Variants in PPARGC1B observed in about 807,000 individuals in gnomAD.
PPARGC1B encodes the protein PPARG coactivator 1 beta.
In PPARGC1B, 34 loss-of-function variants were observed where a neutral mutation model predicts 101.6. The ratio of observed to expected loss-of-function variants is 0.33; its 90% confidence interval spans 0.25 to 0.45. The LOEUF (loss-of-function observed/expected upper bound fraction) is 0.45. Among genes scored for constraint, PPARGC1B ranks in the 20% least tolerant of loss-of-function variants. The pLI is 1.00. For synonymous variants in PPARGC1B, 548 were observed against 539.3 expected (o/e 1.02, Z -0.22); for missense variants, 1,234 against 1,317.6 (o/e 0.94, Z 0.98).
In PPARGC1B at chr5:149,770,406, G is replaced by A. The variant is rs139871378; in HGVS notation, c.78+39986G>A. 5.3e-5 allele frequency among the ~76,000 whole-genome samples: 8 copies of A among 152,240 alleles called. No homozygotes were observed. The East Asian group carries it at 1.4e-3, about 26-fold the overall frequency. On this transcript the variant is annotated intron_variant, in intron 1 of 11. Transcript: ENST00000309241. Reference sequence around the variant, plus strand: ...GTATAAAGACGTACAGGACATCATCGCTTCCTCCAAAAAGTTGAAGATCCA... The same window carrying A: ...GTATAAAGACGTACAGGACATCATCACTTCCTCCAAAAAGTTGAAGATCCA...
chr5:149,788,781 A>G (rs1205026028), intron 1 of PPARGC1B, among the ~76,000 whole-genome samples: 1 of 152,240 alleles, frequency 6.6e-6, no homozygotes, highest in Non-Finnish European at 1.5e-5. Context: ...TTGTAGGGAC[A>G]TGGATGAAGC....
At chr5:149,838,417 G>A (rs1382935556) in intron 8 of PPARGC1B, among the ~76,000 whole-genome samples, 1 of 151,320 alleles carries the variant, frequency 6.6e-6, no homozygotes, top group Admixed American at 6.7e-5. Context: ...CGACTTCGCT[G>A]AGCCTCTCTT....
intron 2 of PPARGC1B, among the ~76,000 whole-genome samples, chr5:149,823,824 G>A (rs1655745397): frequency 1.3e-5 from 2 of 152,152 alleles, no homozygotes; most frequent in Admixed American, 1.3e-4. Context: ...CCAAATTGAT[G>A]GGTGCTTCTT....
intron 1 of PPARGC1B, among the ~76,000 whole-genome samples, chr5:149,731,582 G>A (rs1470281444): frequency 7.0e-6 from 1 of 142,842 alleles, no homozygotes; most frequent in African/African-American, 2.5e-5. Flanking sequence ...GTGCCGGCCC[G>A]TTTTGCATAA....
chr5:149,755,735 C>G (rs1016710996), intron 1 of PPARGC1B, among the ~76,000 whole-genome samples: 2 of 151,672 alleles, frequency 1.3e-5, no homozygotes, highest in African/African-American at 4.9e-5. Context: ...CCTCTGCCTC[C>G]AGGGTTCAAG....
At chr5:149,755,046 C>CATATATATATATATATATATATATAT (rs1385735590) in intron 1 of PPARGC1B, among the ~76,000 whole-genome samples, 1 of 105,600 alleles carries the variant, frequency 9.5e-6, no homozygotes, top group African/African-American at 4.0e-5. Flanking sequence ...TATACATATA[C>CATATATATATATATATATATATATAT]ATATACATAT....
chr5:149,794,722 C>T (rs890011902), intron 1 of PPARGC1B, among the ~76,000 whole-genome samples: 4 of 152,244 alleles, frequency 2.6e-5, no homozygotes, highest in African/African-American at 9.6e-5. Context: ...CCAGGCCCAT[C>T]CCCTGGCAAC....
intron 9 of PPARGC1B, among the ~76,000 whole-genome samples, chr5:149,841,173 A>T (rs1226448922): frequency 6.6e-6 from 1 of 152,218 alleles, no homozygotes; most frequent in African/African-American, 2.4e-5. Flanking sequence ...TCTAAAGTAA[A>T]CAGGACTGTT....
At chr5:149,823,532 G>A (rs1396981983) in intron 2 of PPARGC1B, among the ~76,000 whole-genome samples, 1 of 152,098 alleles carries the variant, frequency 6.6e-6, no homozygotes, top group Admixed American at 6.5e-5. Flanking sequence ...AGGAAGACTG[G>A]GGGTGGGGCT....
At chr5:149,796,839 T>G (rs530836373) in intron 1 of PPARGC1B, among the ~76,000 whole-genome samples, 56 of 152,286 alleles carry the variant, frequency 3.7e-4, no homozygotes, top group African/African-American at 1.3e-3. Context: ...GAATTCCATT[T>G]GGATCTAAGG....
intron 1 of PPARGC1B, among the ~76,000 whole-genome samples, chr5:149,802,951 G>A (rs1398369266): frequency 2.0e-5 from 3 of 152,144 alleles, no homozygotes; most frequent in Non-Finnish European, 4.4e-5. Context: ...GCTCCCACTT[G>A]CCACTTAAGG....
chr5:149,822,454 C>T (rs1758339526), intron 2 of PPARGC1B, among the ~76,000 whole-genome samples: 1 of 152,192 alleles, frequency 6.6e-6, no homozygotes, highest in African/African-American at 2.4e-5. Context: ...ATCCATTGCT[C>T]ACCGATGCAC....
chr5:149,845,527 GTC>G, intron 10 of PPARGC1B: 1 of 541,222 alleles, frequency 1.8e-6, no homozygotes, highest in Non-Finnish European at 3.3e-6. Flanking sequence ...TCTGAGGAGT[GTC>G]TGAGGCAAGA....
chr5:149,770,556 A>C (rs973731063), intron 1 of PPARGC1B, among the ~76,000 whole-genome samples: 3 of 152,162 alleles, frequency 2.0e-5, no homozygotes, highest in Admixed American at 6.5e-5. Context: ...GTTAAGTGCA[A>C]ATAGTAGGAC....
intron 1 of PPARGC1B, among the ~76,000 whole-genome samples, chr5:149,754,236 G>A (rs770381905): frequency 1.3e-5 from 2 of 152,126 alleles, no homozygotes; most frequent in Non-Finnish European, 1.5e-5. Flanking sequence ...ATCAGTTGTC[G>A]ATTTTCTTCT....
At position 149,832,621 on chromosome 5, in the gene PPARGC1B, C is replaced by A; in HGVS notation, c.583-35C>A. Reference sequence around the variant, plus strand: ...GAGACACATGGGAGGAGTGTTTGGGCCTCCTTCCTCACTCTGGCCTCTCTC... The same window carrying A: ...GAGACACATGGGAGGAGTGTTTGGGACTCCTTCCTCACTCTGGCCTCTCTC... On this transcript the variant is annotated intron_variant, in intron 4 of 11. Transcript: ENST00000309241. The surrounding 1 kb of genome is among the most constrained non-coding windows in gnomAD (Gnocchi z 4.9). The A allele has an allele frequency of 1.3e-6, 2 of 1,483,958 alleles. No homozygotes were observed. The highest frequency in any genetic ancestry group is 1.4e-5 in the South Asian group (1 of 71,410). 91.9% of individuals were successfully genotyped at this position (1,483,958 alleles called of 1,614,324 possible).
At chr5:149,794,555 T>C (rs10476922) in intron 1 of PPARGC1B, among the ~76,000 whole-genome samples, 49 of 76,888 alleles carry the variant, frequency 6.4e-4, no homozygotes, top group African/African-American at 1.1e-3. Context: ...CACACACACA[T>C]TCAAGCAAAA....
At chr5:149,747,627 T>G (rs1397708599) in intron 1 of PPARGC1B, among the ~76,000 whole-genome samples, 1 of 152,182 alleles carries the variant, frequency 6.6e-6, no homozygotes, top group African/African-American at 2.4e-5. Context: ...CCCTGCCCTG[T>G]GGGTGTGGAC....
At chr5:149,787,452 C>T (rs963050445) in intron 1 of PPARGC1B, among the ~76,000 whole-genome samples, 1 of 152,216 alleles carries the variant, frequency 6.6e-6, no homozygotes, top group Non-Finnish European at 1.5e-5. Context: ...ACCAAATTGG[C>T]TCCAGGTTGG....
Sources: gnomAD v4.1 joint callset for allele counts (sites outside exome capture counted in the v4.1 genomes callset) on GRCh38, gnomAD v4.1.1 for gene constraint, Gnocchi (gnomAD v3.1) non-coding constraint, MANE v1.5 for transcripts, NCBI Gene and HGNC (gene_info 2026-07-23, HGNC 2026-07-21) for gene names.